The following VPS35 variants were observed in gnomAD, a reference collection of about 807,000 sequenced individuals.
VPS35 encodes the protein vacuolar protein sorting-associated protein 35.
VPS35 carries 21 observed loss-of-function variants against 98.1 expected under a neutral mutation model. The observed-to-expected ratio is 0.21, with a 90% CI of 0.15 to 0.31. The LOEUF is 0.31. Among genes scored for constraint, VPS35 ranks in the 10% least tolerant of loss-of-function variants. VPS35 has a pLI of 1.00. For missense variants in VPS35, 554 were observed against 950.8 expected, an observed-to-expected ratio of 0.58 and a Z score of 5.49; for synonymous variants, 268 against 318.2, an observed-to-expected ratio of 0.84 and a Z score of 1.68.
Position 46,660,460 on chromosome 16 carries a change from G to C in VPS35, c.*12C>G, listed in dbSNP as rs1307257172. 1.2e-6 allele frequency: 2 copies of C among 1,612,982 alleles called. No homozygotes were observed. Among genetic ancestry groups the C allele is most frequent in the Admixed American group, 3.3e-5 (2 of 59,982 alleles). ...ATGTACATGGAAAGGAGTATGGTGAGCTATTTCCTTTTTAAAGGATGAGAC... is the reference window on the plus strand; with the variant it reads ...ATGTACATGGAAAGGAGTATGGTGACCTATTTCCTTTTTAAAGGATGAGAC... On this transcript the variant is annotated 3_prime_UTR_variant, in exon 17 of 17. Coordinates refer to ENST00000299138, the MANE Select transcript of VPS35 (RefSeq NM_018206.6).
At chr16:46,664,933 T>C (rs1965966558) in intron 13 of VPS35, among the ~76,000 whole-genome samples, 1 of 152,232 alleles carries the variant, frequency 6.6e-6, no homozygotes, top group Non-Finnish European at 1.5e-5. Context: ...AACTATTCCC[T>C]TTTAGACATA....
chr16:46,671,973 C>CT (rs1966076799), intron 11 of VPS35, 113 bp from the exon 12 acceptor site: 1 of 1,455,450 alleles, frequency 6.9e-7, no homozygotes, highest in Admixed American at 2.0e-5. Context: ...CAAGATATTC[C>CT]TTTTTTTGGT....
At chr16:46,669,803 A>G (rs1405314266) in intron 12 of VPS35, among the ~76,000 whole-genome samples, 9 of 152,220 alleles carry the variant, frequency 5.9e-5, no homozygotes. Flanking sequence ...TCTTAGCCAC[A>G]AGTTTCTATA....
intron 1 of VPS35, among the ~76,000 whole-genome samples, chr16:46,684,947 T>C (rs543259387): frequency 6.6e-6 from 1 of 152,284 alleles, no homozygotes; most frequent in South Asian, 2.1e-4. Context: ...AAGCCACATA[T>C]TGTATGATTC....
rs543903630 is a variant in VPS35 at position 46,657,050 on chromosome 16, T to C, written c.*3422A>G. On this transcript the variant is annotated 3_prime_UTR_variant, in exon 17 of 17. Transcript: ENST00000299138. Reference sequence around the variant, plus strand: ...TCCCTCTCCAGAGATTTTGGAAGCATGGACCATTTTGTTGGACAATGCAGG... The same window carrying C: ...TCCCTCTCCAGAGATTTTGGAAGCACGGACCATTTTGTTGGACAATGCAGG... 1 of 152,336 alleles carries C rather than the reference T, an allele frequency of 6.6e-6. No homozygotes were observed. The highest frequency in any genetic ancestry group is 2.4e-5 in the African/African-American group (1 of 41,562). The allele number at this position is 152,336 out of a possible 1,614,324, so 9.4% of individuals were successfully genotyped here.
intron 1 of VPS35, chr16:46,688,634 A>G (rs1346547271): frequency 2.0e-6 from 2 of 1,012,074 alleles, no homozygotes; most frequent in East Asian, 9.8e-5. Flanking sequence ...TGAGGCCAAG[A>G]AAGGCCAAGG....
chr16:46,683,237 T>C (rs1966260150), intron 2 of VPS35: 1 of 499,888 alleles, frequency 2.0e-6, no homozygotes, highest in Non-Finnish European at 3.6e-6. Context: ...AATACAGTAA[T>C]GTGTAAATAA....
chr16:46,670,646 C>G (rs1464551920), intron 12 of VPS35, among the ~76,000 whole-genome samples: 2 of 152,162 alleles, frequency 1.3e-5, no homozygotes, highest in Non-Finnish European at 2.9e-5. Flanking sequence ...CACACAGATA[C>G]AAACAATCTC....
chr16:46,663,269 C>G, intron 13 of VPS35, 107 bp from the exon 14 acceptor site: 1 of 1,037,936 alleles, frequency 9.6e-7, no homozygotes, highest in Non-Finnish European at 1.4e-6. Flanking sequence ...CACAGTTTTC[C>G]TGTCATTTTC....
In VPS35 at chr16:46,658,429, T is replaced by C. The variant is rs1326324533; in HGVS notation, c.*2043A>G. On this transcript the variant is annotated 3_prime_UTR_variant, in exon 17 of 17. Transcript: ENST00000299138. ...CAGTTTTTGTTCAACAAAAAAAATCTGTAAGTTAAGGATACTAGCAGTGCT... is the reference window on the plus strand; with the variant it reads ...CAGTTTTTGTTCAACAAAAAAAATCCGTAAGTTAAGGATACTAGCAGTGCT... 1 of 153,790 alleles carries C rather than the reference T, an allele frequency of 6.5e-6. No individual in the cohort carries two copies. Among genetic ancestry groups the C allele is most frequent in the Non-Finnish European group, 1.5e-5 (1 of 68,042 alleles). The allele number at this position is 153,790 out of a possible 1,614,324, so 9.5% of individuals were successfully genotyped here. A position where few individuals can be genotyped will look rare whatever the true frequency, so the allele number is the denominator to read the frequency against.
rs1394183870 is a variant in VPS35, at chr16:46,657,429, T to A, written c.*3043A>T. The A allele has an allele frequency of 6.6e-6, 1 of 152,188 alleles. No individual in the cohort carries two copies. The highest frequency in any genetic ancestry group is 2.4e-5 in the African/African-American group (1 of 41,448). The allele number at this position is 152,188 out of a possible 1,614,324, so 9.4% of individuals were successfully genotyped here. On this transcript the variant is annotated 3_prime_UTR_variant, in exon 17 of 17. Coordinates refer to ENST00000299138, the MANE Select transcript of VPS35 (RefSeq NM_018206.6). ...CAGAAGACCCCTCTGGAACCTAGAC[T>A]TTGTGTTTAAATCCCCTCAGTGCCT...
chr16:46,676,903 G>A (rs1163343758), intron 7 of VPS35, among the ~76,000 whole-genome samples: 1 of 151,892 alleles, frequency 6.6e-6, no homozygotes, highest in Non-Finnish European at 1.5e-5. Flanking sequence ...AAGCTACAGA[G>A]ACCTAGAAAA....
In VPS35 at chr16:46,680,676, T is replaced by G; in HGVS notation, c.501A>C (p.Pro167=). 1 of 1,613,822 alleles carries G rather than the reference T, an allele frequency of 6.2e-7. No homozygotes were observed. Among genetic ancestry groups the G allele is most frequent in the Non-Finnish European group, 8.5e-7 (1 of 1,179,832 alleles). ...TAAGAAAGAAAATCACTTACTCTGT[T>G]GGCTCTCCTTCATCAGGTAAGATAT... is the stretch of plus-strand genomic sequence containing the variant. ...TRNILPDEGE[P]TDEETTGDIS... The change falls in exon 5 of 17, where the codon CCA becomes CCC. Residue 167 remains proline, a synonymous_variant. Transcript: ENST00000299138.
rs572048744 is a variant in VPS35 at position 46,660,118 on chromosome 16, C to G, written c.*354G>C. 2.9e-4 allele frequency: 56 copies of G among 194,218 alleles called. 1 individual carries two copies. In the South Asian group the frequency reaches 4.9e-3, roughly 17 times the overall value. The allele number at this position is 194,218 out of a possible 1,614,324, so 12.0% of individuals were successfully genotyped here. A position where few individuals can be genotyped will look rare whatever the true frequency, so the allele number is the denominator to read the frequency against. On this transcript the variant is annotated 3_prime_UTR_variant, in exon 17 of 17. Coordinates refer to ENST00000299138, the MANE Select transcript of VPS35 (RefSeq NM_018206.6). ...AGGAATGAAGAAAATACACAATCAA[C>G]AATGAAGCAAACAAACAAACAAAAA...
At chr16:46,676,924 T>C (rs1392275727) in intron 7 of VPS35, among the ~76,000 whole-genome samples, 2 of 152,134 alleles carry the variant, frequency 1.3e-5, no homozygotes, top group Admixed American at 6.6e-5. Context: ...CTCAGATTAC[T>C]CATTCCTACA....
At position 46,661,947 on chromosome 16, in the gene VPS35, T is replaced by C. The variant is rs1965920323; in HGVS notation, c.2068-86A>G. On this transcript the variant is annotated intron_variant, in intron 15 of 16. Coordinates refer to ENST00000299138, the MANE Select transcript of VPS35 (RefSeq NM_018206.6). This position sits in a 1 kb window ranked among gnomAD's most constrained non-coding sequence, Gnocchi z 4.3. ...AGAAACACAACACTACCGTGGCTCT[T>C]TCGTGTTTTAAAGGGACATAACAAA... 1.3e-6 allele frequency: 2 copies of C among 1,574,930 alleles called. No individual in the cohort carries two copies. The highest frequency in any genetic ancestry group is 2.2e-5 in the East Asian group (1 of 44,602).
intron 7 of VPS35, 31 bp from the exon 8 acceptor site, chr16:46,676,723 G>C: frequency 2.1e-6 from 3 of 1,454,260 alleles, no homozygotes; most frequent in Non-Finnish European, 2.9e-6. Context: ...ACAAATAAAA[G>C]TATTTCACGT....
At position 46,675,904 on chromosome 16, in the gene VPS35, A is replaced by G. The variant is rs1222411539; in HGVS notation, c.914+679T>C. Among the ~76,000 whole-genome samples, 3 of 151,992 alleles carry G rather than the reference A, an allele frequency of 2.0e-5. No homozygotes were observed. In the East Asian group the frequency reaches 5.8e-4, roughly 29 times the overall value. ...ACCTGGCAAAACCCTGTCTCTACTA[A>G]AAATACAAAAATTAGCTGGGCTTGT... On this transcript the variant is annotated intron_variant, in intron 8 of 16. Coordinates refer to ENST00000299138, the MANE Select transcript of VPS35 (RefSeq NM_018206.6).
intron 13 of VPS35, among the ~76,000 whole-genome samples, chr16:46,665,232 A>G (rs1450380851): frequency 6.6e-6 from 1 of 152,206 alleles, no homozygotes; most frequent in Non-Finnish European, 1.5e-5. Flanking sequence ...AAGCGAGGTT[A>G]AATATTTTAT....
Sources: allele counts gnomAD v4.1 joint callset (sites outside exome capture counted in the v4.1 genomes callset), GRCh38; gene constraint gnomAD v4.1.1; non-coding constraint Gnocchi (gnomAD v3.1); transcripts MANE v1.5; gene names NCBI Gene and HGNC (gene_info 2026-07-23, HGNC 2026-07-21).